Variants in KAZN observed in about 807,000 individuals in gnomAD.
KAZN encodes the protein kazrin, periplakin interacting protein.
Under a neutral mutation model 87.4 loss-of-function variants are expected in KAZN, and 40 were observed. That is an observed-to-expected ratio of 0.46 (90% CI 0.36 to 0.60). KAZN has a LOEUF of 0.60. Ranked by LOEUF, KAZN falls within the 20% of genes least tolerant of loss-of-function variation. KAZN has a pLI of 0.00. For missense variants in KAZN, 898 were observed against 1,073.9 expected (o/e 0.84, Z 2.29); for synonymous variants, 466 against 458.3 (o/e 1.02, Z -0.22).
chr1:14,889,543 G>A (rs1200713654), intron 1 of KAZN, among the ~76,000 whole-genome samples: 3 of 152,196 alleles, frequency 2.0e-5, no homozygotes, highest in Non-Finnish European at 2.9e-5. Context: ...TGTCCAGAGT[G>A]TACTTAGCAC....
intron 1 of KAZN, among the ~76,000 whole-genome samples, chr1:14,909,437 T>A (rs903346873): frequency 1.3e-5 from 2 of 152,166 alleles, no homozygotes; most frequent in Non-Finnish European, 2.9e-5. Context: ...CCCCTCTGCC[T>A]CCCACCAATT....
chr1:15,085,291 G>A (rs988211189), intron 8 of KAZN, among the ~76,000 whole-genome samples: 1 of 152,036 alleles, frequency 6.6e-6, no homozygotes, highest in African/African-American at 2.4e-5. Flanking sequence ...TAAAACTCAG[G>A]TCTTTAGTTG....
At chr1:14,471,093 C>T (rs1253721009) in intron 2 of KAZN, among the ~76,000 whole-genome samples, 2 of 152,304 alleles carry the variant, frequency 1.3e-5, no homozygotes, top group Non-Finnish European at 2.9e-5. Flanking sequence ...TGACTGCAAC[C>T]TCATGAGAGA....
chr1:14,129,331 C>A (rs571675587), intron 1 of KAZN, among the ~76,000 whole-genome samples: 2 of 152,336 alleles, frequency 1.3e-5, no homozygotes, highest in East Asian at 3.9e-4. Flanking sequence ...GATCCCTGTG[C>A]CCCTATGGAG....
At position 13,938,435 on chromosome 1, in the gene KAZN, G is replaced by C. The variant is rs149855598; in HGVS notation, c.91+44679G>C. On this transcript the variant is annotated intron_variant, in intron 1 of 16. Coordinates refer to the KAZN transcript ENST00000636203. ...TAGGAGTCTTTTGGAGGAGCCTTTA[G>C]GGTTTTCTAAGTGTAAGATTATATT... 2.9e-3 allele frequency among the ~76,000 whole-genome samples: 439 copies of C among 152,218 alleles called. 2 individuals carry two copies. The highest frequency in any genetic ancestry group is 0.01 in the African/African-American group (428 of 41,538).
chr1:14,381,559 G>A (rs1661371527), intron 2 of KAZN, among the ~76,000 whole-genome samples: 1 of 152,040 alleles, frequency 6.6e-6, no homozygotes, highest in African/African-American at 2.4e-5. Flanking sequence ...CATATCAATG[G>A]ACTAAAGGAC....
intron 2 of KAZN, among the ~76,000 whole-genome samples, chr1:14,338,504 AAG>A (rs70997135): frequency 0.049 from 6,890 of 141,968 alleles, 280 homozygotes; most frequent in East Asian, 0.13. Context: ...AAAAAAAAAA[AAG>A]AGAGAGAGAG....
chr1:14,438,170 C>G (rs1444808971), intron 2 of KAZN, among the ~76,000 whole-genome samples: 1 of 151,876 alleles, frequency 6.6e-6, no homozygotes, highest in Non-Finnish European at 1.5e-5. Flanking sequence ...TTTGCAGATG[C>G]CCTGGATGGT....
At chr1:14,535,777 G>A (rs891494985) in intron 2 of KAZN, among the ~76,000 whole-genome samples, 1 of 152,204 alleles carries the variant, frequency 6.6e-6, no homozygotes, top group South Asian at 2.1e-4. Context: ...TGTCTGAAAT[G>A]CTTCAGCCTG....
At chr1:14,861,993 T>C (rs903045046) in intron 1 of KAZN, among the ~76,000 whole-genome samples, 7 of 152,212 alleles carry the variant, frequency 4.6e-5, no homozygotes, top group African/African-American at 1.7e-4. Context: ...CCCTTGGACT[T>C]TCCAGTTAGG....
chr1:14,869,761 A>T (rs1241648090), intron 1 of KAZN, among the ~76,000 whole-genome samples: 1 of 152,164 alleles, frequency 6.6e-6, no homozygotes, highest in Non-Finnish European at 1.5e-5. Context: ...GTGTTGGCAA[A>T]TTACAAGCTT....
intron 2 of KAZN, among the ~76,000 whole-genome samples, chr1:14,346,343 A>G (rs1658106231): frequency 6.6e-6 from 1 of 152,174 alleles, no homozygotes; most frequent in South Asian, 2.1e-4. Context: ...GGGATGACTA[A>G]AAGGATGAGG....
chr1:15,049,281 C>G (rs922958220), intron 4 of KAZN, among the ~76,000 whole-genome samples: 1 of 152,232 alleles, frequency 6.6e-6, no homozygotes, highest in Admixed American at 6.5e-5. Context: ...CCTGGGAGCC[C>G]GGCTCACACG....
chr1:14,877,305 G>C (rs570879037), intron 1 of KAZN, among the ~76,000 whole-genome samples: 1 of 152,132 alleles, frequency 6.6e-6, no homozygotes, highest in African/African-American at 2.4e-5. Flanking sequence ...TATTGCTAAG[G>C]ATCGCCAAGA....
chr1:15,110,081 G>A (rs1443562296), intron 13 of KAZN, among the ~76,000 whole-genome samples: 1 of 151,138 alleles, frequency 6.6e-6, no homozygotes, highest in Admixed American at 6.6e-5. Flanking sequence ...GTGTGTATGT[G>A]TGTATATGTA....
chr1:14,819,604 G>C (rs904200226), intron 1 of KAZN, among the ~76,000 whole-genome samples: 1 of 151,708 alleles, frequency 6.6e-6, no homozygotes, highest in Non-Finnish European at 1.5e-5. Context: ...TTTCACAGCC[G>C]AGACTGCGGC....
chr1:13,942,101 T>G (rs1318296441), intron 1 of KAZN, among the ~76,000 whole-genome samples: 1 of 152,194 alleles, frequency 6.6e-6, no homozygotes, highest in Non-Finnish European at 1.5e-5. Flanking sequence ...GAAATGGCTC[T>G]ATTTTAGGAG....
chr1:15,050,069 A>G (rs564665415), intron 4 of KAZN, among the ~76,000 whole-genome samples: 19 of 90,042 alleles, frequency 2.1e-4, no homozygotes, highest in Non-Finnish European at 2.1e-5. Context: ...GGTAGGGTAG[A>G]GTAGAGTAGA....
At chr1:14,751,582 A>G (rs1213493851) in intron 1 of KAZN, among the ~76,000 whole-genome samples, 1 of 152,186 alleles carries the variant, frequency 6.6e-6, no homozygotes, top group Non-Finnish European at 1.5e-5. Flanking sequence ...TTGGTAAGAG[A>G]CTTGCCCAAG....
Sources: gnomAD v4.1 joint callset for allele counts (sites outside exome capture counted in the v4.1 genomes callset) on GRCh38, gnomAD v4.1.1 for gene constraint, MANE v1.5 for transcripts, NCBI Gene and HGNC (gene_info 2026-07-23, HGNC 2026-07-21) for gene names.